The following PIK3AP1 variants were observed in gnomAD, a reference collection of about 807,000 sequenced individuals.
PIK3AP1 encodes the protein phosphoinositide-3-kinase adaptor protein 1, also known as phosphoinositide 3-kinase adapter protein 1.
In PIK3AP1, 21 loss-of-function variants were observed where a neutral mutation model predicts 88.1. The observed-to-expected ratio is 0.24, with a 90% confidence interval of 0.17 to 0.34. The LOEUF is 0.34. PIK3AP1 is among the 10% of genes least tolerant of loss of function. The probability of loss-of-function intolerance (pLI) is 1.00; values close to 1 mark genes in which losing one functional copy is unlikely to be tolerated. For missense variants in PIK3AP1, 828 were observed against 1,035.7 expected (o/e 0.80, Z 2.75); for synonymous variants, 398 against 400.0 (o/e 1.00, Z 0.06).
chr10:96,651,590 G>A lies in PIK3AP1; in HGVS notation c.774C>T (p.Thr258=), dbSNP rs199687287. Residue 258 remains threonine (T), a synonymous_variant, in exon 5 of 17, where the codon ACC becomes ACT. Transcript: ENST00000339364. Reference sequence around the variant, plus strand: ...CCATGTCAGTATAATAGCTGATAACGGTTTCACACACCACTAAGTCTCCAG... The same window carrying A: ...CCATGTCAGTATAATAGCTGATAACAGTTTCACACACCACTAAGTCTCCAG... The part of the protein sequence containing the change: ...IYSGDLVVCE[T]VISYYTDMEE... 97 of 1,614,052 alleles carry A rather than the reference G, an allele frequency of 6.0e-5. No individual in the cohort carries two copies. In the Admixed American group the frequency reaches 9.2e-4, roughly 15 times the overall value.
chr10:96,689,352 C>T (rs1327950130), intron 2 of PIK3AP1, among the ~76,000 whole-genome samples: 1 of 151,306 alleles, frequency 6.6e-6, no homozygotes, highest in Non-Finnish European at 1.5e-5. Flanking sequence ...ATCATGAGGC[C>T]AGGAGATCAA....
At chr10:96,689,439 G>A (rs532578190) in intron 2 of PIK3AP1, among the ~76,000 whole-genome samples, 147 of 151,310 alleles carry the variant, frequency 9.7e-4, no homozygotes, top group African/African-American at 3.1e-3. Context: ...GCGTGGTGGC[G>A]GGCGCCTGTA....
intron 2 of PIK3AP1, among the ~76,000 whole-genome samples, chr10:96,673,906 A>T (rs530593064): frequency 6.6e-6 from 1 of 152,208 alleles, no homozygotes; most frequent in East Asian, 1.9e-4. Context: ...ACTTTCCCCC[A>T]CTTAGGCTGA....
chr10:96,629,930 A>AAAAAAAAAAAG (rs776780994), intron 8 of PIK3AP1, among the ~76,000 whole-genome samples: 3 of 13,718 alleles, frequency 2.2e-4, no homozygotes, highest in Non-Finnish European at 4.9e-4. Flanking sequence ...AAAAAAAAAA[A>AAAAAAAAAAAG]AAGAAGAAGA....
intron 8 of PIK3AP1, among the ~76,000 whole-genome samples, chr10:96,632,440 G>A (rs1353815833): frequency 6.7e-6 from 1 of 149,656 alleles, no homozygotes; most frequent in African/African-American, 2.5e-5. Context: ...AGGAGAGGAG[G>A]AACCACTATA....
chr10:96,659,864 C>T (rs1220730412), intron 2 of PIK3AP1, among the ~76,000 whole-genome samples: 7 of 152,046 alleles, frequency 4.6e-5, no homozygotes, highest in Non-Finnish European at 7.4e-5. Context: ...AAAAGCCACA[C>T]AACCTTCTTT....
At chr10:96,712,271 C>T (rs559194428) in intron 1 of PIK3AP1, among the ~76,000 whole-genome samples, 20 of 152,148 alleles carry the variant, frequency 1.3e-4, no homozygotes, top group Middle Eastern at 3.4e-3. Context: ...ATGGAACTGG[C>T]GAAAACCAGT....
intron 2 of PIK3AP1, among the ~76,000 whole-genome samples, chr10:96,686,164 GATA>G (rs1238458678): frequency 7.9e-5 from 12 of 152,174 alleles, no homozygotes; most frequent in African/African-American, 2.9e-4. Context: ...ATTTTTGTCA[GATA>G]ATGACTATCA....
intron 8 of PIK3AP1, among the ~76,000 whole-genome samples, chr10:96,628,883 T>TATATATATATAA (rs1843192915): frequency 7.8e-5 from 1 of 12,794 alleles, no homozygotes; most frequent in Non-Finnish European, 1.4e-4. Context: ...CACATATATA[T>TATATATATATAA]ATATACATAT....
chr10:96,610,721 G>C (rs1476854744), intron 13 of PIK3AP1, among the ~76,000 whole-genome samples: 1 of 152,178 alleles, frequency 6.6e-6, no homozygotes, highest in Non-Finnish European at 1.5e-5. Context: ...CTACCCAGAG[G>C]TTGTCTCTGT....
chr10:96,647,383 G>A (rs1171506468), intron 7 of PIK3AP1, among the ~76,000 whole-genome samples: 2 of 152,126 alleles, frequency 1.3e-5, no homozygotes, highest in Non-Finnish European at 2.9e-5. Context: ...TTGTGGTGGG[G>A]ATTAAATGAG....
Position 96,648,783 on chromosome 10 carries a change from A to G in PIK3AP1, c.1061T>C (p.Leu354Ser), listed in dbSNP as rs777349537. 6.2e-7 allele frequency: 1 copy of G among 1,609,466 alleles called. No individual in the cohort carries two copies. The highest frequency in any genetic ancestry group is 8.5e-7 in the Non-Finnish European group (1 of 1,178,242). ...CAGGGCTCCTGGGCAGGTGAGCAAC[A>G]AGGCAGTGAGGTTCTTCAGTCCATA... ...AKYGLKNLTA[L>S]LLTCPGALQA... The change falls in exon 7 of 17, where the codon TTG (leucine) becomes TCG (serine). Residue 354 changes from leucine (L) to serine (S), a missense_variant. Transcript: ENST00000339364.
intron 13 of PIK3AP1, 57 bp from the exon 14 acceptor site, chr10:96,609,924 G>T: frequency 6.3e-7 from 1 of 1,580,254 alleles, no homozygotes; most frequent in Non-Finnish European, 8.7e-7. Flanking sequence ...CACCTGCCAA[G>T]CTGCTCAGCA....
chr10:96,628,929 T>TAA (rs1196583596), intron 8 of PIK3AP1, among the ~76,000 whole-genome samples: 4 of 132,428 alleles, frequency 3.0e-5, no homozygotes, highest in African/African-American at 8.4e-5. Context: ...TATATATATA[T>TAA]GGCAAGGTCT....
chr10:96,604,016 A>C lies in PIK3AP1; in HGVS notation c.2204T>G (p.Leu735Arg). ...STSNRSSTRSLLSVSSGMEGD... is the reference protein window; with the variant it reads ...STSNRSSTRSRLSVSSGMEGD... ...TTCCATCCCGCTGCTCACACTGAGG[A>C]GGCTCCGGGTGCTGGAGCGGTTACT... is the stretch of plus-strand genomic sequence containing the variant. Residue 735 changes from leucine to arginine, a missense_variant, in exon 15 of 17, where the codon CTC (leucine) becomes CGC (arginine). Leu to Arg is a moderately radical substitution (Grantham distance 102). Coordinates refer to ENST00000339364, the MANE Select transcript of PIK3AP1 (RefSeq NM_152309.3). 1.2e-6 allele frequency: 2 copies of C among 1,608,332 alleles called. No individual in the cohort carries two copies. Among genetic ancestry groups the C allele is most frequent in the Non-Finnish European group, 1.7e-6 (2 of 1,177,198 alleles).
At chr10:96,691,040 G>C (rs2134273801) in intron 2 of PIK3AP1, among the ~76,000 whole-genome samples, 1 of 152,276 alleles carries the variant, frequency 6.6e-6, no homozygotes, top group South Asian at 2.1e-4. Flanking sequence ...CTTGGCTCCA[G>C]GTATCTCTGA....
In PIK3AP1 at chr10:96,609,728, G is replaced by A; in HGVS notation, c.2154C>T (p.Ser718=). 6.2e-7 allele frequency: 1 copy of A among 1,613,954 alleles called. No individual in the cohort carries two copies. Among genetic ancestry groups the A allele is most frequent in the Non-Finnish European group, 8.5e-7 (1 of 1,179,936 alleles). Residue 718 remains serine (S), a synonymous_variant, in exon 14 of 17, where the codon AGC becomes AGT. Transcript: ENST00000339364. The part of the protein sequence containing the change: ...ELRRGDWKTD[S]TSSTASSTSN... ...GCTGCTCACTTGCTGTGCTGGAGGT[G>A]CTGTCTGTTTTCCAGTCTCCTCGTC...
At chr10:96,688,730 G>A (rs1172377562) in intron 2 of PIK3AP1, among the ~76,000 whole-genome samples, 12 of 152,006 alleles carry the variant, frequency 7.9e-5, no homozygotes, top group African/African-American at 1.5e-4. Flanking sequence ...CCCAGGAGGC[G>A]GAGGGTGCAG....
chr10:96,640,431 C>T (rs1007241727), intron 8 of PIK3AP1, among the ~76,000 whole-genome samples: 8 of 152,216 alleles, frequency 5.3e-5, no homozygotes, highest in African/African-American at 1.9e-4. Flanking sequence ...AAGCTTTCAA[C>T]ACAAAATTAA....
Sources: allele counts gnomAD v4.1 joint callset (sites outside exome capture counted in the v4.1 genomes callset), GRCh38; gene constraint gnomAD v4.1.1; transcripts MANE v1.5; gene names NCBI Gene and HGNC (gene_info 2026-07-23, HGNC 2026-07-21).